The following RABEP2 variants were observed in gnomAD, a reference collection of about 807,000 sequenced individuals.
RABEP2 encodes rabaptin, RAB GTPase binding effector protein 2, also known as rab GTPase-binding effector protein 2.
In RABEP2, 57 loss-of-function variants were observed where a neutral mutation model predicts 74.1. The ratio of observed to expected loss-of-function variants is 0.77; its 90% CI spans 0.62 to 0.96. The LOEUF (loss-of-function observed/expected upper bound fraction) is 0.96, where lower values mean the gene tolerates loss of function less well. Among genes scored for constraint, RABEP2 ranks in the 40% least tolerant of loss-of-function variants. RABEP2 has a pLI of 0.00. For missense variants in RABEP2, 692 were observed against 756.3 expected, an observed-to-expected ratio of 0.91 and a Z score of 1.00; for synonymous variants, 351 against 344.0, an observed-to-expected ratio of 1.02 and a Z score of -0.23.
Position 28,924,573 on chromosome 16 carries a change from G to T in RABEP2, c.104C>A (p.Ala35Asp). The T allele has an allele frequency of 1.2e-6, 2 of 1,613,342 alleles. No individual in the cohort carries two copies. The highest frequency in any genetic ancestry group is 1.7e-6 in the Non-Finnish European group (2 of 1,180,024). ...SRSQEGANGE[A>D]ESGELSRLRA... Reference sequence around the variant, plus strand: ...AAGCCGGCTGAGCTCACCTGACTCGGCCTCACCATTTGCCCCTTCCTGGGA... The same window carrying T: ...AAGCCGGCTGAGCTCACCTGACTCGTCCTCACCATTTGCCCCTTCCTGGGA... Residue 35 changes from alanine to aspartate, a missense_variant, in exon 2 of 13, where the codon GCC (alanine) becomes GAC (aspartate). Physicochemically the swap from Ala to Asp is moderately radical, Grantham distance 126. Transcript: ENST00000358201.
chr16:28,911,745 A>G (rs1376439256), intron 5 of RABEP2, among the ~76,000 whole-genome samples: 2 of 151,216 alleles, frequency 1.3e-5, no homozygotes, highest in Non-Finnish European at 2.9e-5. Flanking sequence ...TCAGGAGTTC[A>G]AGACCAGCCT....
intron 8 of RABEP2, among the ~76,000 whole-genome samples, chr16:28,907,701 G>T (rs546738744): frequency 9.4e-4 from 143 of 152,272 alleles, no homozygotes; most frequent in African/African-American, 3.2e-3. Context: ...GCAGTGGCGC[G>T]ATCTTGGCTC....
intron 7 of RABEP2, among the ~76,000 whole-genome samples, chr16:28,909,022 T>TAC (rs1010644004): frequency 1.5e-5 from 2 of 135,422 alleles, no homozygotes; most frequent in Admixed American, 7.4e-5. Context: ...TATATATATA[T>TAC]ACACATACAC....
intron 5 of RABEP2, among the ~76,000 whole-genome samples, chr16:28,911,901 A>T (rs1964318947): frequency 6.6e-6 from 1 of 151,946 alleles, no homozygotes; most frequent in Non-Finnish European, 1.5e-5. Context: ...GTGAGCCAAG[A>T]TCAGGCCACT....
intron 8 of RABEP2, among the ~76,000 whole-genome samples, chr16:28,907,878 C>T (rs765730934): frequency 1.3e-5 from 2 of 152,192 alleles, no homozygotes; most frequent in Non-Finnish European, 1.5e-5. Flanking sequence ...CGGCTCACTG[C>T]AACCTCCGCC....
chr16:28,921,472 C>A (rs1340883246), intron 2 of RABEP2, among the ~76,000 whole-genome samples: 1 of 151,508 alleles, frequency 6.6e-6, no homozygotes, highest in Non-Finnish European at 1.5e-5. Context: ...GAGCAGCTGG[C>A]GTGGCTGTGG....
chr16:28,924,162 C>A (rs945136526), intron 2 of RABEP2: 4 of 555,314 alleles, frequency 7.2e-6, no homozygotes, highest in African/African-American at 5.7e-5. Context: ...TGACATGGGA[C>A]AAGGCAACAG....
chr16:28,907,161 TG>T (rs1237127339), intron 8 of RABEP2, among the ~76,000 whole-genome samples: 6 of 85,192 alleles, frequency 7.0e-5, no homozygotes, highest in Non-Finnish European at 1.2e-4. Flanking sequence ...TTTTTGCCTT[TG>T]TTTTTTTTTT....
At chr16:28,923,912 C>T (rs1964499918) in intron 2 of RABEP2, 1 of 167,164 alleles carries the variant, frequency 6.0e-6, no homozygotes, top group Admixed American at 5.5e-5. Flanking sequence ...GCTGGGGCGT[C>T]TGGGGCCAGA....
At chr16:28,921,945 A>T (rs1964472833) in intron 2 of RABEP2, among the ~76,000 whole-genome samples, 1 of 151,978 alleles carries the variant, frequency 6.6e-6, no homozygotes, top group Admixed American at 6.6e-5. Flanking sequence ...AGCCTGGGTG[A>T]CTGAGCGGGA....
intron 8 of RABEP2, among the ~76,000 whole-genome samples, chr16:28,907,760 C>G (rs1366485220): frequency 6.6e-6 from 1 of 152,092 alleles, no homozygotes; most frequent in Non-Finnish European, 1.5e-5. Context: ...CCTTAGCCTC[C>G]CAAGTAGCTG....
intron 2 of RABEP2, among the ~76,000 whole-genome samples, chr16:28,922,194 C>CCA (rs2152223888): frequency 6.6e-6 from 1 of 152,284 alleles, no homozygotes; most frequent in African/African-American, 2.4e-5. Context: ...ACTGATCCTC[C>CCA]CACCTGAGTA....
intron 2 of RABEP2, among the ~76,000 whole-genome samples, chr16:28,920,270 A>G (rs1393318841): frequency 1.3e-5 from 2 of 152,036 alleles, no homozygotes; most frequent in Non-Finnish European, 2.9e-5. Context: ...CAAGGTGTCC[A>G]GCCCTTTCTC....
At chr16:28,924,083 T>G in intron 2 of RABEP2, 1 of 376,060 alleles carries the variant, frequency 2.7e-6, no homozygotes, top group Admixed American at 4.3e-5. Context: ...AAAATGAGGT[T>G]GGTTTGGGGA....
chr16:28,923,125 T>C (rs1261516125), intron 2 of RABEP2, among the ~76,000 whole-genome samples: 2 of 152,036 alleles, frequency 1.3e-5, no homozygotes, highest in East Asian at 3.9e-4. Flanking sequence ...ACATGCTACC[T>C]GGCCAGGCGC....
At position 28,904,944 on chromosome 16, in the gene RABEP2, C is replaced by T. The variant is rs777901891; in HGVS notation, c.1709G>A (p.Ter570=). 1.6e-5 allele frequency: 26 copies of T among 1,609,776 alleles called. No homozygotes were observed. The highest frequency in any genetic ancestry group is 1.9e-5 in the Non-Finnish European group (22 of 1,177,114). The change falls in exon 13 of 13, where the codon TGA becomes TAA. Residue 570 remains the stop codon, a stop_retained_variant. Transcript: ENST00000358201. Reference sequence around the variant, plus strand: ...TGGGGGTGGGGATATCCTGACCCCTCAGGTGTCCTTGATGTCCCTGACGTC... The same window carrying T: ...TGGGGGTGGGGATATCCTGACCCCTTAGGTGTCCTTGATGTCCCTGACGTC... ...LTDVRDIKDT[*]
At chr16:28,919,649 A>G in intron 3 of RABEP2, 137 bp downstream of exon 3, 3 of 1,062,130 alleles carry the variant, frequency 2.8e-6, no homozygotes, top group Non-Finnish European at 4.0e-6. Context: ...CAAGCTCTCA[A>G]CAACACCTGG....
At position 28,904,506 on chromosome 16, in the gene RABEP2, T is replaced by C. The variant is rs1017651720; in HGVS notation, c.*437A>G. The C allele has an allele frequency of 2.7e-6, 4 of 1,479,208 alleles. No homozygotes were observed. Among genetic ancestry groups the C allele is most frequent in the Non-Finnish European group, 3.6e-6 (4 of 1,111,044 alleles). The allele number at this position is 1,479,208 out of a possible 1,614,324, so 91.6% of individuals were successfully genotyped here. ...CAAGCTTGGAGGCCTGGGTCGCCGC[T>C]GTGGACAAGCGTCTTAGTGTCATGC... On this transcript the variant is annotated 3_prime_UTR_variant, in exon 13 of 13. Coordinates refer to ENST00000358201, the MANE Select transcript of RABEP2 (RefSeq NM_024816.3).
intron 7 of RABEP2, chr16:28,910,657 C>G: frequency 2.0e-6 from 1 of 494,178 alleles, no homozygotes; most frequent in South Asian, 3.0e-5. Context: ...GGCTGGGAGT[C>G]TGGGATTAGC....
Sources: gnomAD v4.1 joint callset for allele counts (sites outside exome capture counted in the v4.1 genomes callset) on GRCh38, gnomAD v4.1.1 for gene constraint, MANE v1.5 for transcripts, NCBI Gene and HGNC (gene_info 2026-07-23, HGNC 2026-07-21) for gene names.